ARHGAP1: variants seen among roughly 807,000 people sequenced by gnomAD.
The protein encoded by ARHGAP1 is rho GTPase-activating protein 1.
ARHGAP1 carries 23 observed loss-of-function variants against 52.2 expected under a neutral mutation model. The ratio of observed to expected loss-of-function variants is 0.44; its 90% CI spans 0.32 to 0.62. ARHGAP1 has a LOEUF of 0.62. Ranked by LOEUF, ARHGAP1 falls within the 20% of genes least tolerant of loss-of-function variation. The pLI, the probability that ARHGAP1 is intolerant of heterozygous loss-of-function variation, is 0.05. For synonymous variants in ARHGAP1, 210 were observed against 228.4 expected (o/e 0.92, Z 0.73); for missense variants, 480 against 560.9 (o/e 0.86, Z 1.46).
rs1204540112 is a variant in ARHGAP1 at position 46,686,929 on chromosome 11, GGACGGAAGT to G, written c.317+1235_317+1243del. On this transcript the variant is annotated intron_variant, in intron 4 of 12. Coordinates refer to ENST00000311956, the MANE Select transcript of ARHGAP1 (RefSeq NM_004308.5). ...CTGCCCTCAGCAGGGACTGTGACTA[GGACGGAAGT>G]GATGGAGGACAAGCAGCAGCTGATG... 2.6e-5 allele frequency: 4 copies of G among 152,308 alleles called. No individual in the cohort carries two copies. The East Asian group carries it at 7.7e-4, about 29-fold the overall frequency. The allele number at this position is 152,308 out of a possible 1,614,324, so 9.4% of individuals were successfully genotyped here.
intron 1 of ARHGAP1, among the ~76,000 whole-genome samples, chr11:46,699,427 G>A (rs147781281): frequency 6.6e-6 from 1 of 152,132 alleles, no homozygotes; most frequent in Non-Finnish European, 1.5e-5. Flanking sequence ...AGGACCAGCC[G>A]GGCACGGTGG....
chr11:46,680,434 T>A lies in ARHGAP1; in HGVS notation c.820+53A>T. On this transcript the variant is annotated intron_variant, in intron 9 of 12. Transcript: ENST00000311956. The surrounding 1 kb of genome is among the most constrained non-coding windows in gnomAD (Gnocchi z 5.9). ...GCCCTGCCCAGCAGCTTCCCCAGCTTCCTGAAGGGAGCCGGGAGACCTGGC... is the reference window on the plus strand; with the variant it reads ...GCCCTGCCCAGCAGCTTCCCCAGCTACCTGAAGGGAGCCGGGAGACCTGGC... 1.9e-6 allele frequency: 3 copies of A among 1,603,142 alleles called. No individual in the cohort carries two copies. The highest frequency in any genetic ancestry group is 2.2e-5 in the East Asian group (1 of 44,802).
In ARHGAP1 at chr11:46,679,163, A is replaced by G; in HGVS notation, c.1194T>C (p.Pro398=). ...CCGCATCCTTGGCCCACAGCAGGTT[A>G]GGGCCGAAAACAACAGCCAGGTTAG... is the stretch of plus-strand genomic sequence containing the variant. ...TNTNLAVVFG[P]NLLWAKDAAI... is the part of the protein sequence containing the mutation. The change falls in exon 13 of 13, where the codon CCT becomes CCC. Residue 398 remains proline, a synonymous_variant. Transcript: ENST00000311956. This position sits in a 1 kb window ranked among gnomAD's most constrained non-coding sequence, Gnocchi z 4.4. 1 of 1,613,646 alleles carries G rather than the reference A, an allele frequency of 6.2e-7. No homozygotes were observed.
chr11:46,695,207 T>G, intron 3 of ARHGAP1: 1 of 345,552 alleles, frequency 2.9e-6, no homozygotes, highest in Admixed American at 3.8e-5. Flanking sequence ...CAGGGAGCCA[T>G]GTGCCCCCTC....
chr11:46,680,383 C>A lies in ARHGAP1; in HGVS notation c.821-101G>T. On this transcript the variant is annotated intron_variant, in intron 9 of 12. Coordinates refer to ENST00000311956, the MANE Select transcript of ARHGAP1 (RefSeq NM_004308.5). This position sits in a 1 kb window ranked among gnomAD's most constrained non-coding sequence, Gnocchi z 5.9. Reference sequence around the variant, plus strand: ...GGTTCTAGGCAGGGCTGGGTGGGGACGTTGAGGCTTGCAGGACCTCCCTCT... The same window carrying A: ...GGTTCTAGGCAGGGCTGGGTGGGGAAGTTGAGGCTTGCAGGACCTCCCTCT... The A allele has an allele frequency of 6.3e-7, 1 of 1,575,568 alleles. No homozygotes were observed. The highest frequency in any genetic ancestry group is 2.2e-5 in the East Asian group (1 of 44,616).
chr11:46,699,486 C>T (rs1364480731), intron 1 of ARHGAP1, among the ~76,000 whole-genome samples: 1 of 151,552 alleles, frequency 6.6e-6, no homozygotes, highest in African/African-American at 2.4e-5. Context: ...GGGCGGATCA[C>T]AAGGTCAGGA....
At position 46,679,400 on chromosome 11, in the gene ARHGAP1, G is replaced by C. The variant is rs1339970645; in HGVS notation, c.1096C>G (p.Gln366Glu). 3 of 1,614,160 alleles carry C rather than the reference G, an allele frequency of 1.9e-6. No individual in the cohort carries two copies. The highest frequency in any genetic ancestry group is 2.2e-5 in the South Asian group (2 of 91,076). The change falls in exon 12 of 13, where the codon CAG (glutamine) becomes GAG (glutamate). Residue 366 changes from glutamine (Q) to glutamate (E), a missense_variant. Transcript: ENST00000311956. This position sits in a 1 kb window ranked among gnomAD's most constrained non-coding sequence, Gnocchi z 4.4. ...AAAGCAGTCAGGAAACGAAGCACCT[G>C]GTAGTTCTCCTCGGGCAGCGTCTGG... is the stretch of plus-strand genomic sequence containing the variant. Reference protein sequence around the residue: ...VLQTLPEENYQVLRFLTAFLV... With the variant: ...VLQTLPEENYEVLRFLTAFLV...
chr11:46,682,567 C>A (rs746994100), intron 4 of ARHGAP1, among the ~76,000 whole-genome samples: 34 of 152,102 alleles, frequency 2.2e-4, no homozygotes, highest in Admixed American at 3.3e-4. Context: ...GCCTGTAATC[C>A]CAGCTACTCA....
chr11:46,680,077 A>G lies in ARHGAP1; in HGVS notation c.898+128T>C. ...GCCTGGCAGAAGTAGGACTTATGTG[A>G]CACCCAGAGCCACGGAAACCTCCAG... On this transcript the variant is annotated intron_variant, in intron 10 of 12. Transcript: ENST00000311956. The surrounding 1 kb of genome is among the most constrained non-coding windows in gnomAD (Gnocchi z 5.9). 8.3e-7 allele frequency: 1 copy of G among 1,203,844 alleles called. No homozygotes were observed. The highest frequency in any genetic ancestry group is 1.3e-5 in the South Asian group (1 of 78,602). 74.6% of individuals were successfully genotyped at this position (1,203,844 alleles called of 1,614,324 possible). A position where few individuals can be genotyped will look rare whatever the true frequency, so the allele number is the denominator to read the frequency against.
Position 46,677,996 on chromosome 11 carries a change from G to A in ARHGAP1, c.*1041C>T. On this transcript the variant is annotated 3_prime_UTR_variant, in exon 13 of 13. Transcript: ENST00000311956. ...AGCCCCTTAATCCCCTGGGGAAATT[G>A]CTAGAACCCACCTATCTGGACTGAC... 1 of 432,240 alleles carries A rather than the reference G, an allele frequency of 2.3e-6. No homozygotes were observed. Among genetic ancestry groups the A allele is most frequent in the Non-Finnish European group, 4.6e-6 (1 of 219,686 alleles). The allele number at this position is 432,240 out of a possible 1,614,324, so 26.8% of individuals were successfully genotyped here. A position where few individuals can be genotyped will look rare whatever the true frequency, so the allele number is the denominator to read the frequency against.
At position 46,680,768 on chromosome 11, in the gene ARHGAP1, G is replaced by T; in HGVS notation, c.636-21C>A. 1 of 1,504,468 alleles carries T rather than the reference G, an allele frequency of 6.6e-7. No individual in the cohort carries two copies. Among genetic ancestry groups the T allele is most frequent in the Non-Finnish European group, 8.9e-7 (1 of 1,121,032 alleles). 93.2% of individuals were successfully genotyped at this position (1,504,468 alleles called of 1,614,324 possible). A position where few individuals can be genotyped will look rare whatever the true frequency, so the allele number is the denominator to read the frequency against. ...CATATCTGTAGGAGTAGAGGGAGGT[G>T]GGTCAGGTCCTGCCTGGCTCTGGAG... On this transcript the variant is annotated intron_variant, in intron 7 of 12. Transcript: ENST00000311956. The surrounding 1 kb of genome is among the most constrained non-coding windows in gnomAD (Gnocchi z 5.9).
chr11:46,693,858 G>A (rs1052751647), intron 3 of ARHGAP1, among the ~76,000 whole-genome samples: 1 of 152,178 alleles, frequency 6.6e-6, no homozygotes, highest in Non-Finnish European at 1.5e-5. Flanking sequence ...AGAGAGCTGG[G>A]AGGCAGAAAC....
chr11:46,681,614 A>G lies in ARHGAP1; in HGVS notation c.450-235T>C, dbSNP rs534077768. 2.2e-6 allele frequency: 1 copy of G among 461,002 alleles called. No individual in the cohort carries two copies. Among genetic ancestry groups the G allele is most frequent in the South Asian group, 2.2e-5 (1 of 45,640 alleles). 28.6% of individuals were successfully genotyped at this position (461,002 alleles called of 1,614,324 possible). A position where few individuals can be genotyped will look rare whatever the true frequency, so the allele number is the denominator to read the frequency against. On this transcript the variant is annotated intron_variant, in intron 5 of 12. Coordinates refer to ENST00000311956, the MANE Select transcript of ARHGAP1 (RefSeq NM_004308.5). This position sits in a 1 kb window ranked among gnomAD's most constrained non-coding sequence, Gnocchi z 5.7. ...ACACCTAGCTAATTTTTGTATTTTTAGCGGAGACAGGGTTTCACCATGTTG... is the reference window on the plus strand; with the variant it reads ...ACACCTAGCTAATTTTTGTATTTTTGGCGGAGACAGGGTTTCACCATGTTG...
Position 46,680,920 on chromosome 11 carries a change from G to A in ARHGAP1, c.635+91C>T. 1 of 1,258,614 alleles carries A rather than the reference G, an allele frequency of 7.9e-7. No individual in the cohort carries two copies. The highest frequency in any genetic ancestry group is 1.8e-5 in the Admixed American group (1 of 55,804). 78.0% of individuals were successfully genotyped at this position (1,258,614 alleles called of 1,614,324 possible). Reference sequence around the variant, plus strand: ...CTGGGAGAGGTCGGGACACGGGCTTGCTCTGCCTAAGCCCCACGCGGTCTC... The same window carrying A: ...CTGGGAGAGGTCGGGACACGGGCTTACTCTGCCTAAGCCCCACGCGGTCTC... On this transcript the variant is annotated intron_variant, in intron 7 of 12. Coordinates refer to ENST00000311956, the MANE Select transcript of ARHGAP1 (RefSeq NM_004308.5). This position sits in a 1 kb window ranked among gnomAD's most constrained non-coding sequence, Gnocchi z 5.9.
At chr11:46,682,476 G>C (rs1159996850) in intron 4 of ARHGAP1, among the ~76,000 whole-genome samples, 2 of 152,252 alleles carry the variant, frequency 1.3e-5, no homozygotes, top group Non-Finnish European at 2.9e-5. Context: ...CTGAGGTCAG[G>C]AGTTCAAGAC....
In ARHGAP1 at chr11:46,680,238, C is replaced by T; in HGVS notation, c.865G>A (p.Val289Met). ...GIFRRSANTQVVREVQQKYNM... is the reference protein window; with the variant it reads ...GIFRRSANTQMVREVQQKYNM... ...TACTTCTGCTGCACTTCCCGGACCA[C>T]TTGGGTGTTGGCCGACCTCCGGAAG... is the stretch of plus-strand genomic sequence containing the variant. Residue 289 changes from valine (V) to methionine (M), a missense_variant, in exon 10 of 13, where the codon GTG (valine) becomes ATG (methionine). Coordinates refer to ENST00000311956, the MANE Select transcript of ARHGAP1 (RefSeq NM_004308.5). The surrounding 1 kb of genome is among the most constrained non-coding windows in gnomAD (Gnocchi z 5.9). 1 of 1,614,122 alleles carries T rather than the reference C, an allele frequency of 6.2e-7. No homozygotes were observed. The highest frequency in any genetic ancestry group is 8.5e-7 in the Non-Finnish European group (1 of 1,180,028).
At position 46,680,242 on chromosome 11, in the gene ARHGAP1, G is replaced by A. The variant is rs750844719; in HGVS notation, c.861C>T (p.Thr287=). 28 of 1,614,014 alleles carry A rather than the reference G, an allele frequency of 1.7e-5. No homozygotes were observed. The highest frequency in any genetic ancestry group is 2.3e-5 in the Non-Finnish European group (27 of 1,180,010). The change falls in exon 10 of 13, where the codon ACC becomes ACT. Residue 287 remains threonine (T), a synonymous_variant. Transcript: ENST00000311956. The surrounding 1 kb of genome is among the most constrained non-coding windows in gnomAD (Gnocchi z 5.9). Reference sequence around the variant, plus strand: ...TCTGCTGCACTTCCCGGACCACTTGGGTGTTGGCCGACCTCCGGAAGATGC... The same window carrying A: ...TCTGCTGCACTTCCCGGACCACTTGAGTGTTGGCCGACCTCCGGAAGATGC... ...TEGIFRRSAN[T]QVVREVQQKY...
intron 1 of ARHGAP1, 83 bp downstream of exon 1, chr11:46,700,468 G>A (rs28372918): frequency 0.07 from 11,172 of 158,834 alleles, 398 homozygotes; most frequent in East Asian, 0.099. Context: ...CTCCCCATCC[G>A]GACCCCATCC....
rs759134220 is a variant in ARHGAP1 at position 46,679,420 on chromosome 11, G to A, written c.1076C>T (p.Thr359Met). ...CACCTGGTAGTTCTCCTCGGGCAGCGTCTGGAGGACCTGCAGTGTCGCTGG... is the reference window on the plus strand; with the variant it reads ...CACCTGGTAGTTCTCCTCGGGCAGCATCTGGAGGACCTGCAGTGTCGCTGG... ...RVPATLQVLQ[T>M]LPEENYQVLR... The change falls in exon 12 of 13, where the codon ACG becomes ATG. Residue 359 changes from threonine to methionine, a missense_variant. By Grantham distance (81) the Thr-to-Met change is moderately conservative. Coordinates refer to ENST00000311956, the MANE Select transcript of ARHGAP1 (RefSeq NM_004308.5). This position sits in a 1 kb window ranked among gnomAD's most constrained non-coding sequence, Gnocchi z 4.4. 5.4e-5 allele frequency: 87 copies of A among 1,614,076 alleles called. No individual in the cohort carries two copies. The highest frequency in any genetic ancestry group is 2.8e-4 in the Admixed American group (17 of 60,008).
Sources: gnomAD v4.1 joint callset for allele counts (sites outside exome capture counted in the v4.1 genomes callset) on GRCh38, gnomAD v4.1.1 for gene constraint, Gnocchi (gnomAD v3.1) non-coding constraint, MANE v1.5 for transcripts, NCBI Gene and HGNC (gene_info 2026-07-23, HGNC 2026-07-21) for gene names.